Variants in POU1F1 observed in about 807,000 individuals in gnomAD.
POU1F1 encodes the protein POU class 1 homeobox 1, also known as pituitary-specific positive transcription factor 1.
A neutral mutation model predicts 32.3 loss-of-function variants in POU1F1; 23 were observed. The observed-to-expected ratio is 0.71, with a 90% CI of 0.51 to 1.01. The LOEUF (loss-of-function observed/expected upper bound fraction) is 1.01. Among genes scored for constraint, POU1F1 ranks in the 50% least tolerant of loss-of-function variants. The pLI, the probability that POU1F1 is intolerant of heterozygous loss-of-function variation, is 0.00. For synonymous variants in POU1F1, 120 were observed against 115.6 expected (o/e 1.04, Z -0.25); for missense variants, 323 against 341.6 (o/e 0.95, Z 0.43).
At chr3:87,262,409 G>A (rs1219043223) in intron 3 of POU1F1, among the ~76,000 whole-genome samples, 174 bp from the exon 4 acceptor site, 1 of 152,042 alleles carries the variant, frequency 6.6e-6, no homozygotes, top group Non-Finnish European at 1.5e-5. Flanking sequence ...AAGTACTTGT[G>A]CAATACTTCA....
At position 87,276,357 on chromosome 3, in the gene POU1F1, G is replaced by C; in HGVS notation, c.106C>G (p.Pro36Ala). 1 of 1,613,972 alleles carries C rather than the reference G, an allele frequency of 6.2e-7. No individual in the cohort carries two copies. Among genetic ancestry groups the C allele is most frequent in the Non-Finnish European group, 8.5e-7 (1 of 1,179,910 alleles). ...ACATTGGTGGCATGGTTGGAGACTG[G>C]TAGACACTCGGCAGCACTGTGATGC... The part of the protein sequence containing the change: ...IMHHSAAECL[P>A]VSNHATNVMS... The change falls in exon 1 of 6, where the codon CCA (proline) becomes GCA (alanine). Residue 36 changes from proline (P) to alanine (A), a missense_variant. Pro to Ala is a conservative substitution (Grantham distance 27). Coordinates refer to ENST00000350375, the MANE Select transcript of POU1F1 (RefSeq NM_000306.4).
At chr3:87,266,498 C>T (rs1006304889) in intron 2 of POU1F1, among the ~76,000 whole-genome samples, 27 of 150,968 alleles carry the variant, frequency 1.8e-4, no homozygotes, top group African/African-American at 6.5e-4. Flanking sequence ...ATAAATTTAT[C>T]TGCTCTAAAG....
chr3:87,274,408 A>G (rs1427441075), intron 1 of POU1F1, among the ~76,000 whole-genome samples: 1 of 151,802 alleles, frequency 6.6e-6, no homozygotes, highest in Admixed American at 6.6e-5. Context: ...TCATAAATTA[A>G]TTTTCTTGAA....
chr3:87,276,041 T>A (rs954294810), intron 1 of POU1F1, among the ~76,000 whole-genome samples: 7 of 152,178 alleles, frequency 4.6e-5, no homozygotes, highest in Non-Finnish European at 7.4e-5. Context: ...TTTTTAGATT[T>A]AAAATGTCCA....
intron 2 of POU1F1, among the ~76,000 whole-genome samples, chr3:87,264,774 A>C (rs1706585804): frequency 6.6e-6 from 1 of 152,134 alleles, no homozygotes; most frequent in Non-Finnish European, 1.5e-5. Flanking sequence ...AAATAACTAA[A>C]ATAGAAACAA....
chr3:87,272,031 G>T (rs138210014), intron 2 of POU1F1, among the ~76,000 whole-genome samples: 1 of 150,070 alleles, frequency 6.7e-6, no homozygotes, highest in Non-Finnish European at 1.5e-5. Flanking sequence ...TAAACTATTT[G>T]CTCCATTTTA....
Position 87,265,817 on chromosome 3 carries a change from C to A in POU1F1, c.215-1305G>T, listed in dbSNP as rs1259449651. On this transcript the variant is annotated intron_variant, in intron 2 of 5. Coordinates refer to ENST00000350375, the MANE Select transcript of POU1F1 (RefSeq NM_000306.4). ...TATGCAAATACTACACCATTTTATACCAGGGACTTGAGCATCGAAAGATTT... is the reference window on the plus strand; with the variant it reads ...TATGCAAATACTACACCATTTTATAACAGGGACTTGAGCATCGAAAGATTT... 3.3e-5 allele frequency among the ~76,000 whole-genome samples: 5 copies of A among 151,916 alleles called. No individual in the cohort carries two copies. In the East Asian group the frequency reaches 7.7e-4, roughly 24 times the overall value.
chr3:87,274,131 C>T (rs1034781439), intron 1 of POU1F1, among the ~76,000 whole-genome samples: 2 of 151,804 alleles, frequency 1.3e-5, no homozygotes, highest in African/African-American at 4.8e-5. Flanking sequence ...TAAAGCTGGT[C>T]AAAAAATGAG....
At chr3:87,275,264 A>G in intron 1 of POU1F1, among the ~76,000 whole-genome samples, 1 of 152,150 alleles carries the variant, frequency 6.6e-6, no homozygotes, top group Non-Finnish European at 1.5e-5. Context: ...AAAAATCTCT[A>G]CATTAAATGA....
At chr3:87,263,385 A>G (rs1226513716) in intron 3 of POU1F1, among the ~76,000 whole-genome samples, 1 of 152,150 alleles carries the variant, frequency 6.6e-6, no homozygotes, top group African/African-American at 2.4e-5. Flanking sequence ...CCATTTATTT[A>G]TTTTGTGTTA....
At chr3:87,273,144 C>T (rs1423666140) in intron 2 of POU1F1, among the ~76,000 whole-genome samples, 1 of 151,576 alleles carries the variant, frequency 6.6e-6, no homozygotes, top group Non-Finnish European at 1.5e-5. Context: ...TTCAGAGATA[C>T]GTAAGTAGGG....
At chr3:87,262,994 T>A (rs1276872021) in intron 3 of POU1F1, among the ~76,000 whole-genome samples, 1 of 152,168 alleles carries the variant, frequency 6.6e-6, no homozygotes, top group Non-Finnish European at 1.5e-5. Context: ...GACCTAAGGC[T>A]ATATACCTAT....
intron 2 of POU1F1, 104 bp from the exon 3 acceptor site, chr3:87,264,616 C>G: frequency 2.3e-6 from 2 of 877,680 alleles, no homozygotes; most frequent in Non-Finnish European, 3.7e-6. Flanking sequence ...TCTGCTCTAG[C>G]CTGTCTCAGT....
chr3:87,270,973 T>C (rs770118855), intron 2 of POU1F1, among the ~76,000 whole-genome samples: 16 of 151,962 alleles, frequency 1.1e-4, no homozygotes, highest in Non-Finnish European at 2.2e-4. Context: ...GAGAGGGATT[T>C]AACAATCCCT....
At chr3:87,265,321 A>G (rs1246748473) in intron 2 of POU1F1, among the ~76,000 whole-genome samples, 3 of 152,122 alleles carry the variant, frequency 2.0e-5, no homozygotes, top group Non-Finnish European at 2.9e-5. Flanking sequence ...GTGATTACCG[A>G]TAAATGGTAA....
intron 2 of POU1F1, among the ~76,000 whole-genome samples, chr3:87,267,394 A>T (rs919421183): frequency 1.3e-5 from 2 of 152,198 alleles, no homozygotes; most frequent in African/African-American, 4.8e-5. Flanking sequence ...TCTAATAAGC[A>T]TTGCAGTAAG....
chr3:87,262,677 T>C (rs900335239), intron 3 of POU1F1, among the ~76,000 whole-genome samples: 1 of 152,138 alleles, frequency 6.6e-6, no homozygotes, highest in Non-Finnish European at 1.5e-5. Context: ...CTCTAAAAGA[T>C]TCAATGATAT....
chr3:87,269,043 G>A (rs1356118020), intron 2 of POU1F1, among the ~76,000 whole-genome samples: 2 of 152,002 alleles, frequency 1.3e-5, no homozygotes, highest in African/African-American at 4.8e-5. Flanking sequence ...GGAAGCAGAG[G>A]GACATAGTAA....
chr3:87,272,601 G>C (rs1434807771), intron 2 of POU1F1, among the ~76,000 whole-genome samples: 1 of 152,128 alleles, frequency 6.6e-6, no homozygotes. Context: ...CAAAAACTGT[G>C]CTTCAATGCC....
Sources: gnomAD v4.1 joint callset for allele counts (sites outside exome capture counted in the v4.1 genomes callset) on GRCh38, gnomAD v4.1.1 for gene constraint, MANE v1.5 for transcripts, NCBI Gene and HGNC (gene_info 2026-07-23, HGNC 2026-07-21) for gene names.